Variants in TCAIM observed in about 807,000 individuals in gnomAD.
The protein encoded by TCAIM is T cell activation inhibitor, mitochondrial, also known as T-cell activation inhibitor, mitochondrial.
TCAIM carries 36 observed loss-of-function variants against 58.6 expected under a neutral mutation model. The ratio of observed to expected loss-of-function variants is 0.61; its 90% CI spans 0.47 to 0.81. The LOEUF (loss-of-function observed/expected upper bound fraction) is 0.81, where lower values mean the gene tolerates loss of function less well. Among genes scored for constraint, TCAIM ranks in the 30% least tolerant of loss-of-function variants. The pLI is 0.00. For missense variants in TCAIM, 466 were observed against 579.6 expected, an observed-to-expected ratio of 0.80 and a Z score of 2.01; for synonymous variants, 172 against 193.6, an observed-to-expected ratio of 0.89 and a Z score of 0.93.
intron 5 of TCAIM, among the ~76,000 whole-genome samples, chr3:44,369,914 T>C (rs1024947245): frequency 8.5e-5 from 13 of 152,218 alleles, no homozygotes; most frequent in Non-Finnish European, 1.5e-5. Flanking sequence ...CAAAGTAACA[T>C]ACATAGCGTA....
chr3:44,369,586 G>A (rs1291693767), intron 5 of TCAIM, among the ~76,000 whole-genome samples: 1 of 152,108 alleles, frequency 6.6e-6, no homozygotes, highest in Non-Finnish European at 1.5e-5. Context: ...ACTATAGAAA[G>A]CCAACTCAAC....
intron 10 of TCAIM, among the ~76,000 whole-genome samples, chr3:44,406,654 A>G (rs1383057937): frequency 6.6e-6 from 1 of 152,178 alleles, no homozygotes; most frequent in East Asian, 1.9e-4. Context: ...ATTAAATGTA[A>G]GATATTTGGA....
At chr3:44,394,901 AAAAAAAAAAAAAAAAAAAAAATATAT>A (rs1701898920) in intron 6 of TCAIM, among the ~76,000 whole-genome samples, 5 of 45,234 alleles carry the variant, frequency 1.1e-4, no homozygotes, top group Non-Finnish European at 2.1e-4. Context: ...CAAAAAAAAA[AAAAAAAAAAAAAAAAAAAAAATATAT>A]ATATATATAT....
chr3:44,390,257 A>G (rs893830028), intron 5 of TCAIM, among the ~76,000 whole-genome samples: 19 of 152,346 alleles, frequency 1.2e-4, no homozygotes, highest in African/African-American at 4.6e-4. Context: ...GCTTTAGATC[A>G]CAACATCTAA....
At chr3:44,394,916 AAAAAAATATATATATATATATATAT>A (rs1191735294) in intron 6 of TCAIM, among the ~76,000 whole-genome samples, 12 of 37,120 alleles carry the variant, frequency 3.2e-4, no homozygotes, top group Admixed American at 9.9e-4. Flanking sequence ...AAAAAAAAAA[AAAAAAATATATATATATATATATAT>A]ATATATATAT....
chr3:44,372,582 ACTTT>A (rs1701495949), intron 5 of TCAIM, among the ~76,000 whole-genome samples: 1 of 151,372 alleles, frequency 6.6e-6, no homozygotes, highest in Middle Eastern at 3.4e-3. Flanking sequence ...TTGGATCAAA[ACTTT>A]CTTTTTTTTT....
intron 10 of TCAIM, among the ~76,000 whole-genome samples, chr3:44,405,086 A>T (rs1702079853): frequency 6.6e-6 from 1 of 152,106 alleles, no homozygotes; most frequent in Non-Finnish European, 1.5e-5. Flanking sequence ...TGGCATATAG[A>T]CAGTATTTGC....
chr3:44,358,909 A>G (rs893544974), intron 3 of TCAIM: 35 of 985,270 alleles, frequency 3.6e-5, no homozygotes, highest in Non-Finnish European at 8.4e-6. Flanking sequence ...TATTCTGATT[A>G]TGATATGTGA....
At chr3:44,354,952 T>G (rs138016421) in intron 2 of TCAIM, 141 bp downstream of exon 2, 2 of 971,814 alleles carry the variant, frequency 2.1e-6, no homozygotes, top group Non-Finnish European at 3.0e-6. Flanking sequence ...GAAAGAAAAT[T>G]TATATGAGAA....
At chr3:44,365,465 A>G (rs542520833) in intron 4 of TCAIM, among the ~76,000 whole-genome samples, 1 of 152,018 alleles carries the variant, frequency 6.6e-6, no homozygotes, top group East Asian at 1.9e-4. Flanking sequence ...AGTAGCTGGG[A>G]TTACAGGAGT....
chr3:44,345,037 C>T (rs1700937101), intron 1 of TCAIM, among the ~76,000 whole-genome samples: 1 of 152,038 alleles, frequency 6.6e-6, no homozygotes, highest in African/African-American at 2.4e-5. Context: ...TTCCTGTCTT[C>T]TTACATTAAT....
At chr3:44,387,989 A>G (rs2125649168) in intron 5 of TCAIM, among the ~76,000 whole-genome samples, 1 of 152,158 alleles carries the variant, frequency 6.6e-6, no homozygotes, top group Non-Finnish European at 1.5e-5. Flanking sequence ...TCAAATGTTA[A>G]CTTTGTACCA....
In TCAIM at chr3:44,401,255, C is replaced by T. The variant is rs1323632719; in HGVS notation, c.1171C>T (p.Leu391Phe). ...HELGHFNIPT[L>F]CDPANLQWFI... is the part of the protein sequence containing the mutation. Reference sequence around the variant, plus strand: ...ACTCGGGCATTTTAATATTCCAACACTCTGTGATCCAGCAAATCTCCAGTG... The same window carrying T: ...ACTCGGGCATTTTAATATTCCAACATTCTGTGATCCAGCAAATCTCCAGTG... Residue 391 changes from leucine (L) to phenylalanine (F), a missense_variant, in exon 10 of 11, where the codon CTC (leucine) becomes TTC (phenylalanine). By Grantham distance (22) the Leu-to-Phe change is conservative. Transcript: ENST00000342649. The T allele has an allele frequency of 5.6e-6, 9 of 1,613,956 alleles. No homozygotes were observed. The highest frequency in any genetic ancestry group is 1.3e-5 in the African/African-American group (1 of 74,908).
chr3:44,350,408 G>T (rs1314340676), intron 1 of TCAIM, among the ~76,000 whole-genome samples: 2 of 151,968 alleles, frequency 1.3e-5, no homozygotes, highest in African/African-American at 4.8e-5. Context: ...CCTCCCGAAG[G>T]CCCCACTTCC....
chr3:44,349,507 A>G (rs946094298), intron 1 of TCAIM, among the ~76,000 whole-genome samples: 7 of 152,168 alleles, frequency 4.6e-5, no homozygotes, highest in African/African-American at 1.7e-4. Context: ...AGGCAAGCCT[A>G]GAGAAAAGAG....
At chr3:44,403,980 AC>A (rs1702061261) in intron 10 of TCAIM, among the ~76,000 whole-genome samples, 1 of 152,094 alleles carries the variant, frequency 6.6e-6, no homozygotes, top group Non-Finnish European at 1.5e-5. Context: ...CCCAGTGCCC[AC>A]AGACCCTCTG....
intron 5 of TCAIM, among the ~76,000 whole-genome samples, chr3:44,377,767 A>T (rs1218066905): frequency 6.6e-6 from 1 of 152,242 alleles, no homozygotes; most frequent in African/African-American, 2.4e-5. Flanking sequence ...CTTAACCAGC[A>T]GATCAAAGAA....
chr3:44,344,174 G>C (rs1243614565), intron 1 of TCAIM, among the ~76,000 whole-genome samples: 1 of 152,054 alleles, frequency 6.6e-6, no homozygotes, highest in African/African-American at 2.4e-5. Context: ...ACCACACTCA[G>C]CTAATTTTTG....
intron 5 of TCAIM, among the ~76,000 whole-genome samples, chr3:44,388,239 G>A (rs1402842181): frequency 1.3e-5 from 2 of 152,034 alleles, no homozygotes; most frequent in Non-Finnish European, 2.9e-5. Context: ...TTATTCAAAT[G>A]TCACTCATTT....
Sources: gnomAD v4.1 joint callset for allele counts (sites outside exome capture counted in the v4.1 genomes callset) on GRCh38, gnomAD v4.1.1 for gene constraint, MANE v1.5 for transcripts, NCBI Gene and HGNC (gene_info 2026-07-23, HGNC 2026-07-21) for gene names.